The following GALK2 variants were observed in gnomAD, a reference collection of about 807,000 sequenced individuals.
GALK2 encodes the protein N-acetylgalactosamine kinase.
A neutral mutation model predicts 52.4 loss-of-function variants in GALK2; 36 were observed. The ratio of observed to expected loss-of-function variants is 0.69; its 90% confidence interval spans 0.53 to 0.91. The LOEUF is 0.91. GALK2 is among the 40% of genes least tolerant of loss of function. GALK2 has a pLI of 0.00. For synonymous variants in GALK2, 176 were observed against 199.1 expected, an observed-to-expected ratio of 0.88 and a Z score of 0.98; for missense variants, 579 against 559.1, an observed-to-expected ratio of 1.04 and a Z score of -0.36.
upstream of GALK2, among the ~76,000 whole-genome samples, chr15:49,169,454 C>G (rs77972724): frequency 0.014 from 2,145 of 152,200 alleles, 49 homozygotes; most frequent in African/African-American, 0.049. Context: ...TTCAGTTTAT[C>G]TTACCTATTC....
intron 2 of GALK2, among the ~76,000 whole-genome samples, chr15:49,216,119 T>C (rs1277324233): frequency 6.6e-6 from 1 of 152,198 alleles, no homozygotes; most frequent in African/African-American, 2.4e-5. Context: ...GTCTCCATAC[T>C]GGGCTGCCTA....
chr15:49,177,971 C>G (rs2085598894), intron 1 of GALK2: 1 of 154,392 alleles, frequency 6.5e-6, no homozygotes, highest in Admixed American at 6.5e-5. Context: ...GCCTGGCCAA[C>G]ATGGTGAAAC....
At chr15:49,361,870 A>G (rs1055245372) in intron 3 of GALK2, among the ~76,000 whole-genome samples, 1 of 152,142 alleles carries the variant, frequency 6.6e-6, no homozygotes, top group Non-Finnish European at 1.5e-5. Context: ...CCAGCAGTGT[A>G]TAAGCATTCC....
chr15:49,181,924 A>G (rs556214867), intron 1 of GALK2, among the ~76,000 whole-genome samples: 3 of 152,158 alleles, frequency 2.0e-5, no homozygotes, highest in South Asian at 4.2e-4. Flanking sequence ...CAGGCATACA[A>G]TGTATAATAA....
chr15:49,200,110 C>T (rs369134034), intron 1 of GALK2, among the ~76,000 whole-genome samples: 37 of 152,056 alleles, frequency 2.4e-4, no homozygotes, highest in African/African-American at 8.5e-4. Context: ...TGTGGGACTA[C>T]AAATAATGAG....
At chr15:49,239,716 T>A (rs1354767969) in intron 5 of GALK2, among the ~76,000 whole-genome samples, 1 of 152,080 alleles carries the variant, frequency 6.6e-6, no homozygotes, top group Non-Finnish European at 1.5e-5. Flanking sequence ...AAACCTTAAA[T>A]TAAAAATTTG....
At chr15:49,199,287 C>T (rs543602482) in intron 1 of GALK2, 2 of 152,108 alleles carry the variant, frequency 1.3e-5, no homozygotes, top group Admixed American at 1.3e-4. Context: ...TCTTTTTTCC[C>T]CCTATTATAG....
chr15:49,300,382 T>C (rs778760164), intron 8 of GALK2, among the ~76,000 whole-genome samples: 3 of 152,120 alleles, frequency 2.0e-5, no homozygotes, highest in South Asian at 4.1e-4. Flanking sequence ...TTCTTGCTTC[T>C]TTATCCCACT....
intron 2 of GALK2, among the ~76,000 whole-genome samples, chr15:49,203,930 C>T (rs117086011): frequency 0.051 from 7,790 of 152,112 alleles, 295 homozygotes; most frequent in East Asian, 0.15. Flanking sequence ...GCCTGGCCAA[C>T]ATCATGAAAC....
intron 5 of GALK2, among the ~76,000 whole-genome samples, chr15:49,243,851 G>T (rs1047042816): frequency 6.6e-6 from 1 of 151,978 alleles, no homozygotes; most frequent in African/African-American, 2.4e-5. Context: ...AGCTGGGCAT[G>T]GTGGCTCATG....
chr15:49,303,918 T>A (rs2035330072), intron 8 of GALK2, among the ~76,000 whole-genome samples: 1 of 152,256 alleles, frequency 6.6e-6, no homozygotes, highest in South Asian at 2.1e-4. Flanking sequence ...AAGGAAATGT[T>A]ACTCAGTATT....
intron 3 of GALK2, among the ~76,000 whole-genome samples, chr15:49,357,572 G>A (rs1422584329): frequency 1.3e-5 from 2 of 151,442 alleles, no homozygotes; most frequent in Non-Finnish European, 3.0e-5. Context: ...CCAATAACAG[G>A]AGCTGAAATT....
intron 9 of GALK2, among the ~76,000 whole-genome samples, chr15:49,324,609 T>G (rs899689756): frequency 6.6e-6 from 1 of 152,098 alleles, no homozygotes; most frequent in Non-Finnish European, 1.5e-5. Context: ...CTGTGGTTTC[T>G]TGACTGTAAA....
chr15:49,302,792 TGTTG>T (rs2035222589), intron 8 of GALK2, among the ~76,000 whole-genome samples: 3 of 152,220 alleles, frequency 2.0e-5, no homozygotes. Context: ...AGTTTACAGA[TGTTG>T]GTTGAACAGA....
At chr15:49,262,103 C>G (rs553162278) in intron 5 of GALK2, among the ~76,000 whole-genome samples, 1,701 of 152,116 alleles carry the variant, frequency 0.011, 16 homozygotes, top group Non-Finnish European at 0.016. Context: ...AGGGAGGATT[C>G]CCTCTTTTTC....
intron 2 of GALK2, among the ~76,000 whole-genome samples, chr15:49,203,030 A>G (rs1011558501): frequency 6.6e-6 from 1 of 151,856 alleles, no homozygotes; most frequent in Non-Finnish European, 1.5e-5. Context: ...ATCATTTGCC[A>G]ATTTTTATTT....
chr15:49,365,104 T>G lies in GALK2; in HGVS notation c.427-2387T>G, dbSNP rs113149615. The G allele has an allele frequency of 4.4e-6, 3 of 682,878 alleles. No individual in the cohort carries two copies. The East Asian group carries it at 7.5e-5, about 17-fold the overall frequency. The allele number at this position is 682,878 out of a possible 1,614,324, so 42.3% of individuals were successfully genotyped here. A position where few individuals can be genotyped will look rare whatever the true frequency, so the allele number is the denominator to read the frequency against. On this transcript the variant is annotated intron_variant, in intron 3 of 3. Transcript: ENST00000558399. Reference sequence around the variant, plus strand: ...TTTGTAGAAAATCAATGACACATTATAGCAGTTCCACATAATATTATTGCT... The same window carrying G: ...TTTGTAGAAAATCAATGACACATTAGAGCAGTTCCACATAATATTATTGCT...
downstream of GALK2, among the ~76,000 whole-genome samples, chr15:49,333,866 T>C (rs1475884308): frequency 6.6e-6 from 1 of 152,158 alleles, no homozygotes; most frequent in Non-Finnish European, 1.5e-5. Flanking sequence ...TCTTGCTTCA[T>C]TGAGGAAAAA....
At chr15:49,243,657 A>G (rs2091206310) in intron 5 of GALK2, among the ~76,000 whole-genome samples, 1 of 152,202 alleles carries the variant, frequency 6.6e-6, no homozygotes, top group South Asian at 2.1e-4. Context: ...AGGAAACTAG[A>G]GGAAACAGAG....
Sources: gnomAD v4.1 joint callset for allele counts (sites outside exome capture counted in the v4.1 genomes callset) on GRCh38, gnomAD v4.1.1 for gene constraint, MANE v1.5 for transcripts, NCBI Gene and HGNC (gene_info 2026-07-23, HGNC 2026-07-21) for gene names.